NOSIP: variants seen among roughly 807,000 people sequenced by gnomAD.
NOSIP encodes the protein nitric oxide synthase interacting protein, also known as nitric oxide synthase-interacting protein.
Under a neutral mutation model 36.4 loss-of-function variants are expected in NOSIP, and 25 were observed. The ratio of observed to expected loss-of-function variants is 0.69; its 90% CI spans 0.50 to 0.96. NOSIP has a LOEUF of 0.96. NOSIP is among the 40% of genes least tolerant of loss of function. The probability of loss-of-function intolerance (pLI) is 0.00; values close to 1 mark genes in which losing one functional copy is unlikely to be tolerated. For missense variants in NOSIP, 370 were observed against 429.0 expected (o/e 0.86, Z 1.21); for synonymous variants, 187 against 179.2 (o/e 1.04, Z -0.35).
chr19:49,570,804 G>C (rs1009947237), intron 1 of NOSIP, among the ~76,000 whole-genome samples: 1 of 151,934 alleles, frequency 6.6e-6, no homozygotes, highest in Admixed American at 6.6e-5. Context: ...TCTATTCTTA[G>C]TTGTCAACTC....
intron 4 of NOSIP, chr19:49,557,684 G>A: frequency 2.0e-6 from 2 of 1,005,144 alleles, no homozygotes; most frequent in Non-Finnish European, 2.4e-6. Flanking sequence ...GTTTGGGACG[G>A]GGGATGTAGA....
intron 1 of NOSIP, among the ~76,000 whole-genome samples, chr19:49,572,728 C>CT (rs1249353035): frequency 1.3e-5 from 2 of 151,884 alleles, no homozygotes; most frequent in African/African-American, 4.8e-5. Flanking sequence ...AATCCCAGCA[C>CT]TTTGGGAGCC....
At chr19:49,576,483 A>C (rs2080554593) in intron 1 of NOSIP, among the ~76,000 whole-genome samples, 1 of 152,018 alleles carries the variant, frequency 6.6e-6, no homozygotes, top group Non-Finnish European at 1.5e-5. Flanking sequence ...AGGCTGAGGC[A>C]GGAGGATCAC....
At chr19:49,564,168 T>G (rs1031366874) in intron 1 of NOSIP, among the ~76,000 whole-genome samples, 1 of 152,120 alleles carries the variant, frequency 6.6e-6, no homozygotes, top group Non-Finnish European at 1.5e-5. Flanking sequence ...AAAACTTCAC[T>G]GAAGGCCGAG....
chr19:49,576,584 CTG>C (rs2080555677), intron 1 of NOSIP, among the ~76,000 whole-genome samples: 1 of 148,544 alleles, frequency 6.7e-6, no homozygotes, highest in South Asian at 2.1e-4. Context: ...GACCTTGTCT[CTG>C]GGGAAAAAAA....
In NOSIP at chr19:49,565,046, CAGG is replaced by C. The variant is rs2080387944; in HGVS notation, c.-1-4357_-1-4355del. ...ATATGAACACTTGGGGAGGCCAAGG[CAGG>C]AGGATTGTTTGAGCCCAGGAGTTTG... On this transcript the variant is annotated intron_variant, in intron 1 of 8. Coordinates refer to ENST00000596358, the MANE Select transcript of NOSIP (RefSeq NM_001270960.2). Among the ~76,000 whole-genome samples the C allele has an allele frequency of 2.0e-5, 3 of 152,112 alleles. No individual in the cohort carries two copies. In the South Asian group the frequency reaches 6.2e-4, roughly 31 times the overall value.
chr19:49,562,619 G>A (rs1189316627), intron 1 of NOSIP, among the ~76,000 whole-genome samples: 1 of 152,116 alleles, frequency 6.6e-6, no homozygotes, highest in Non-Finnish European at 1.5e-5. Context: ...AGTGGCTGAT[G>A]CCTGTAATCC....
Position 49,557,352 on chromosome 19 carries a change from A to G in NOSIP, c.259-103T>C, listed in dbSNP as rs867117454. 19 of 1,466,726 alleles carry G rather than the reference A, an allele frequency of 1.3e-5. No homozygotes were observed. The Middle Eastern group carries it at 7.4e-4, about 57-fold the overall frequency. The allele number at this position is 1,466,726 out of a possible 1,614,324, so 90.9% of individuals were successfully genotyped here. ...TGAGGCCCACAAAGGGGACCCTCTG[A>G]TGGAGGCACTATGTGGCAGAGGGTG... On this transcript the variant is annotated intron_variant, in intron 4 of 8. Coordinates refer to ENST00000596358, the MANE Select transcript of NOSIP (RefSeq NM_001270960.2).
chr19:49,563,281 T>C (rs977237558), intron 1 of NOSIP, among the ~76,000 whole-genome samples: 4 of 151,940 alleles, frequency 2.6e-5, no homozygotes, highest in African/African-American at 9.7e-5. Flanking sequence ...GCTCAAGTGA[T>C]TCTCCTGCCT....
intron 6 of NOSIP, 68 bp from the exon 7 acceptor site, chr19:49,556,804 G>C: frequency 6.3e-7 from 1 of 1,596,688 alleles, no homozygotes; most frequent in Non-Finnish European, 8.6e-7. Flanking sequence ...CGTGGTCCCT[G>C]TGCGTGAGGA....
rs147738108 is a variant in NOSIP, at chr19:49,566,794, C to CATATATATATATATATATAT, written c.-1-6103_-1-6102insATATATATATATATATATAT. 3.1e-3 allele frequency: 438 copies of CATATATATATATATATATAT among 142,892 alleles called. 3 individuals are homozygous for CATATATATATATATATATAT. Among genetic ancestry groups the CATATATATATATATATATAT allele is most frequent in the African/African-American group, 0.011 (407 of 37,000 alleles). The allele number at this position is 142,892 out of a possible 1,614,324, so 8.9% of individuals were successfully genotyped here. A position where few individuals can be genotyped will look rare whatever the true frequency, so the allele number is the denominator to read the frequency against. On this transcript the variant is annotated intron_variant, in intron 1 of 8. Transcript: ENST00000596358. Reference sequence around the variant, plus strand: ...TTAAAAATATAAATACATATACATACATATATATATATACACACATACTAT... The same window carrying CATATATATATATATATATAT: ...TTAAAAATATAAATACATATACATACATATATATATATATATATATATATATATATATACACACATACTAT...
chr19:49,578,929 T>A (rs929580242), intron 1 of NOSIP, among the ~76,000 whole-genome samples: 1 of 151,420 alleles, frequency 6.6e-6, no homozygotes. Flanking sequence ...GGCCTATTTT[T>A]AAATACTTAA....
At chr19:49,576,659 CGG>C (rs2080557018) in intron 1 of NOSIP, among the ~76,000 whole-genome samples, 5 of 150,668 alleles carry the variant, frequency 3.3e-5, no homozygotes, top group Admixed American at 2.0e-4. Flanking sequence ...CCGAGGTGGG[CGG>C]ATCACCTGAG....
chr19:49,579,025 G>A (rs1216647955), intron 1 of NOSIP: 3 of 152,056 alleles, frequency 2.0e-5, no homozygotes, highest in African/African-American at 7.2e-5. Flanking sequence ...ATGATCAACT[G>A]AACTAGAATT....
At position 49,560,742 on chromosome 19, in the gene NOSIP, C is replaced by T; in HGVS notation, c.-1-50G>A. On this transcript the variant is annotated intron_variant, in intron 1 of 8. Transcript: ENST00000596358. The surrounding 1 kb of genome is among the most constrained non-coding windows in gnomAD (Gnocchi z 4.6). ...GACTGTGGTTACCGGAGGCAGGCAG[C>T]ACAGGGAAGACCTCTGCAGCCCTCA... 7.1e-7 allele frequency: 1 copy of T among 1,398,856 alleles called. No individual in the cohort carries two copies. Among genetic ancestry groups the T allele is most frequent in the Non-Finnish European group, 9.9e-7 (1 of 1,006,284 alleles). 86.7% of individuals were successfully genotyped at this position (1,398,856 alleles called of 1,614,324 possible).
intron 1 of NOSIP, chr19:49,579,058 C>T (rs2080590498): frequency 1.3e-5 from 2 of 152,106 alleles, no homozygotes; most frequent in Admixed American, 1.3e-4. Context: ...GAATCGATTA[C>T]ACCAAGAAAT....
chr19:49,558,146 G>T, intron 4 of NOSIP: 1 of 159,006 alleles, frequency 6.3e-6, no homozygotes, highest in Non-Finnish European at 1.4e-5. Flanking sequence ...TACCTCCCAG[G>T]TGCCCTGCTG....
chr19:49,567,020 T>C (rs2080418443), intron 1 of NOSIP, among the ~76,000 whole-genome samples: 1 of 151,858 alleles, frequency 6.6e-6, no homozygotes, highest in Non-Finnish European at 1.5e-5. Context: ...TTCGCCATGT[T>C]GGCCAGGCTG....
At chr19:49,576,179 C>T (rs1292264281) in intron 1 of NOSIP, among the ~76,000 whole-genome samples, 1 of 151,834 alleles carries the variant, frequency 6.6e-6, no homozygotes, top group Non-Finnish European at 1.5e-5. Flanking sequence ...GCAGGCTGAA[C>T]AAAAACAGGT....
Sources: allele counts gnomAD v4.1 joint callset (sites outside exome capture counted in the v4.1 genomes callset), GRCh38; gene constraint gnomAD v4.1.1; non-coding constraint Gnocchi (gnomAD v3.1); transcripts MANE v1.5; gene names NCBI Gene and HGNC (gene_info 2026-07-23, HGNC 2026-07-21).